Variants in SOX5 observed in about 807,000 individuals in gnomAD.
SOX5 encodes transcription factor SOX-5.
A neutral mutation model predicts 92.0 loss-of-function variants in SOX5; 9 were observed. That is an observed-to-expected ratio of 0.10 (90% CI 0.06 to 0.17). SOX5 has a LOEUF of 0.17. SOX5 is among the 10% of genes least tolerant of loss of function. SOX5 has a pLI of 1.00. For missense variants in SOX5, 642 were observed against 944.5 expected, an observed-to-expected ratio of 0.68 and a Z score of 4.20; for synonymous variants, 344 against 336.3, an observed-to-expected ratio of 1.02 and a Z score of -0.25.
intron 2 of SOX5, among the ~76,000 whole-genome samples, chr12:23,893,238 G>C (rs957930565): frequency 2.0e-5 from 3 of 152,082 alleles, no homozygotes; most frequent in African/African-American, 7.2e-5. Context: ...ACAAGGTCAG[G>C]GGATCGAGAC....
At chr12:23,621,421 A>C (rs2138098503) in intron 8 of SOX5, among the ~76,000 whole-genome samples, 1 of 152,254 alleles carries the variant, frequency 6.6e-6, no homozygotes, top group South Asian at 2.1e-4. Context: ...AGAACTGTAC[A>C]CTTAAACGTG....
At chr12:24,497,017 T>C (rs1947707658) in intron 1 of SOX5, among the ~76,000 whole-genome samples, 1 of 152,180 alleles carries the variant, frequency 6.6e-6, no homozygotes, top group Non-Finnish European at 1.5e-5. Context: ...TAGAAAATGA[T>C]CTCACTTATA....
At chr12:24,141,908 G>A (rs1950622423) in intron 4 of SOX5, among the ~76,000 whole-genome samples, 1 of 152,132 alleles carries the variant, frequency 6.6e-6, no homozygotes, top group Non-Finnish European at 1.5e-5. Flanking sequence ...TTATATTCGG[G>A]TATGATGGTC....
chr12:24,546,483 G>A (rs992256030), intron 1 of SOX5, among the ~76,000 whole-genome samples: 1 of 152,164 alleles, frequency 6.6e-6, no homozygotes, highest in Non-Finnish European at 1.5e-5. Context: ...GTCCTGCCCT[G>A]TACTCTACGC....
At chr12:24,097,171 ATTTACG>A (rs1463794389) in intron 4 of SOX5, among the ~76,000 whole-genome samples, 11 of 152,084 alleles carry the variant, frequency 7.2e-5, no homozygotes, top group Non-Finnish European at 1.6e-4. Context: ...CGTGGTGGCT[ATTTACG>A]TATTTGGAGA....
intron 4 of SOX5, among the ~76,000 whole-genome samples, chr12:24,107,896 A>G (rs1946866009): frequency 6.6e-6 from 1 of 152,216 alleles, no homozygotes; most frequent in Non-Finnish European, 1.5e-5. Flanking sequence ...CCAGCAGACC[A>G]CTCAAAAGCA....
chr12:24,139,441 C>G (rs1950378880), intron 4 of SOX5, among the ~76,000 whole-genome samples: 1 of 152,154 alleles, frequency 6.6e-6, no homozygotes, highest in Non-Finnish European at 1.5e-5. Flanking sequence ...AGGAAAAAAA[C>G]TCTTAAATAA....
chr12:23,894,480 G>A (rs2097158581), intron 2 of SOX5, among the ~76,000 whole-genome samples: 1 of 151,990 alleles, frequency 6.6e-6, no homozygotes, highest in Non-Finnish European at 1.5e-5. Flanking sequence ...ACTCACCTTG[G>A]CCTCCCAAAG....
chr12:24,416,834 A>T (rs1397743725), intron 1 of SOX5, among the ~76,000 whole-genome samples: 1 of 152,206 alleles, frequency 6.6e-6, no homozygotes, highest in Non-Finnish European at 1.5e-5. Context: ...CATGTTCCTT[A>T]GTCTCTAAAT....
chr12:24,022,587 G>A (rs148041678), intron 4 of SOX5, among the ~76,000 whole-genome samples: 1 of 152,116 alleles, frequency 6.6e-6, no homozygotes, highest in African/African-American at 2.4e-5. Flanking sequence ...ACAGTTCACT[G>A]GTGTCCCTTC....
chr12:24,351,389 T>C (rs1474291619), intron 2 of SOX5, among the ~76,000 whole-genome samples: 2 of 152,210 alleles, frequency 1.3e-5, no homozygotes, highest in Non-Finnish European at 2.9e-5. Context: ...TCAGTGATTA[T>C]AAATATGCCT....
Position 23,529,961 on chromosome 12 carries a change from C to T in SOX5, c.*4258G>A, listed in dbSNP as rs1243138505. The T allele has an allele frequency of 6.6e-6, 1 of 151,934 alleles. No homozygotes were observed. 9.4% of individuals were successfully genotyped at this position (151,934 alleles called of 1,614,324 possible). A position where few individuals can be genotyped will look rare whatever the true frequency, so the allele number is the denominator to read the frequency against. ...GCTATATAAATACTGTTTTAGTGAA[C>T]CAGTGACGGAAACACTGGGGAGGAC... is the stretch of plus-strand genomic sequence containing the variant. On this transcript the variant is annotated 3_prime_UTR_variant, in exon 15 of 15. Coordinates refer to ENST00000451604, the MANE Select transcript of SOX5 (RefSeq NM_006940.6).
At chr12:23,766,215 C>T (rs754589705) in intron 3 of SOX5, among the ~76,000 whole-genome samples, 23 of 152,068 alleles carry the variant, frequency 1.5e-4, no homozygotes, top group Non-Finnish European at 2.4e-4. Context: ...CAACCAAAAA[C>T]GGGAGCAGTT....
chr12:23,930,493 C>A (rs79805474), intron 1 of SOX5, among the ~76,000 whole-genome samples: 1 of 151,684 alleles, frequency 6.6e-6, no homozygotes, highest in Non-Finnish European at 1.5e-5. Context: ...ACAGTCATAT[C>A]TAAGGAATAA....
intron 1 of SOX5, among the ~76,000 whole-genome samples, chr12:24,435,910 A>T (rs1031428825): frequency 1.3e-5 from 2 of 152,032 alleles, no homozygotes; most frequent in African/African-American, 4.8e-5. Flanking sequence ...CTTTTTCATT[A>T]TTATTATGTG....
chr12:24,257,900 C>G lies in SOX5; in HGVS notation c.-77+19316G>C, dbSNP rs551717927. On this transcript the variant is annotated intron_variant, in intron 3 of 4. Coordinates refer to the SOX5 transcript ENST00000446891. Reference sequence around the variant, plus strand: ...TTTTAAAGCCCCTATTCTGGTCAGGCGCCATGGCTCACGCCTGTAATCCCA... The same window carrying G: ...TTTTAAAGCCCCTATTCTGGTCAGGGGCCATGGCTCACGCCTGTAATCCCA... 2.0e-5 allele frequency among the ~76,000 whole-genome samples: 3 copies of G among 152,172 alleles called. No homozygotes were observed. The East Asian group carries it at 5.8e-4, about 30-fold the overall frequency.
intron 4 of SOX5, among the ~76,000 whole-genome samples, chr12:23,984,064 T>C (rs1472332809): frequency 6.6e-6 from 1 of 152,156 alleles, no homozygotes; most frequent in African/African-American, 2.4e-5. Context: ...TCTCCTCCTT[T>C]GATTTCTCTC....
chr12:23,931,619 C>T (rs12317225), intron 1 of SOX5, among the ~76,000 whole-genome samples: 2,697 of 151,746 alleles, frequency 0.018, 82 homozygotes, highest in African/African-American at 0.061. Flanking sequence ...AGAGAATAGC[C>T]TGTACTTGCT....
At chr12:24,472,061 A>G (rs1445722918) in intron 1 of SOX5, among the ~76,000 whole-genome samples, 1 of 152,214 alleles carries the variant, frequency 6.6e-6, no homozygotes, top group Non-Finnish European at 1.5e-5. Context: ...TGATCACACT[A>G]ATTAACAACC....
Sources: allele counts gnomAD v4.1 joint callset (sites outside exome capture counted in the v4.1 genomes callset), GRCh38; gene constraint gnomAD v4.1.1; transcripts MANE v1.5; gene names NCBI Gene and HGNC (gene_info 2026-07-23, HGNC 2026-07-21).